Variants in UBN2 observed in about 807,000 individuals in gnomAD.
UBN2 encodes the protein ubinuclein 2.
Under a neutral mutation model 120.2 loss-of-function variants are expected in UBN2, and 35 were observed. The ratio of observed to expected loss-of-function variants is 0.29; its 90% CI spans 0.22 to 0.39. UBN2 has a LOEUF of 0.39. Ranked by LOEUF, UBN2 falls within the 10% of genes least tolerant of loss-of-function variation. The pLI is 1.00. For missense variants in UBN2, 1,693 were observed against 1,663.2 expected (o/e 1.02, Z -0.31); for synonymous variants, 661 against 648.7 (o/e 1.02, Z -0.29).
chr7:139,251,705 C>T (rs774604407), intron 2 of UBN2, among the ~76,000 whole-genome samples: 1 of 152,172 alleles, frequency 6.6e-6, no homozygotes, highest in African/African-American at 2.4e-5. Flanking sequence ...TCCCTGTTGA[C>T]GTTGACTGTA....
intron 2 of UBN2, among the ~76,000 whole-genome samples, chr7:139,237,339 C>T (rs1796191870): frequency 6.6e-6 from 1 of 152,012 alleles, no homozygotes; most frequent in Admixed American, 6.6e-5. Flanking sequence ...CTCTGGTGCC[C>T]AGGTTGGAGT....
chr7:139,303,504 C>T lies in UBN2; in HGVS notation c.*5668C>T, dbSNP rs77110946. The T allele has an allele frequency of 6.6e-6, 1 of 152,066 alleles. No homozygotes were observed. Among genetic ancestry groups the T allele is most frequent in the African/African-American group, 2.4e-5 (1 of 41,370 alleles). The allele number at this position is 152,066 out of a possible 1,614,324, so 9.4% of individuals were successfully genotyped here. Reference sequence around the variant, plus strand: ...GAACTTACCAGGCAGTTGGAATTCACGAGTGTTATTCTTGAATGACTATGT... The same window carrying T: ...GAACTTACCAGGCAGTTGGAATTCATGAGTGTTATTCTTGAATGACTATGT... On this transcript the variant is annotated 3_prime_UTR_variant, in exon 18 of 18. Coordinates refer to ENST00000473989, the MANE Select transcript of UBN2 (RefSeq NM_173569.4).
intron 3 of UBN2, among the ~76,000 whole-genome samples, chr7:139,255,735 A>G (rs1395134573): frequency 1.3e-5 from 2 of 152,164 alleles, no homozygotes; most frequent in African/African-American, 4.8e-5. Context: ...CAGTGTTGGC[A>G]TATTGTTTAA....
At chr7:139,249,621 T>C (rs188002094) in intron 2 of UBN2, among the ~76,000 whole-genome samples, 4 of 152,350 alleles carry the variant, frequency 2.6e-5, no homozygotes, top group Non-Finnish European at 4.4e-5. Context: ...ATCTTGCATC[T>C]CATGCTCTCT....
At chr7:139,263,395 G>C (rs896644526) in intron 6 of UBN2, among the ~76,000 whole-genome samples, 1 of 152,108 alleles carries the variant, frequency 6.6e-6, no homozygotes, top group South Asian at 2.1e-4. Flanking sequence ...TATGGGAACA[G>C]TATCTTGTTT....
rs77674212 is a variant in UBN2, at chr7:139,234,544, G to T, written c.469-2461G>T. Among the ~76,000 whole-genome samples, 8 of 152,302 alleles carry T rather than the reference G, an allele frequency of 5.3e-5. No homozygotes were observed. The East Asian group carries it at 1.5e-3, about 29-fold the overall frequency. On this transcript the variant is annotated intron_variant, in intron 1 of 17. Transcript: ENST00000473989. ...CCTTATTGTCTCTAGGCAGTACAGT[G>T]CTGTGATTGAGATGGTTTAGGATGA...
chr7:139,278,988 A>G (rs1336391608), intron 12 of UBN2, among the ~76,000 whole-genome samples: 1 of 152,008 alleles, frequency 6.6e-6, no homozygotes. Context: ...AATCTCATTC[A>G]CACCTTCTTG....
Position 139,293,434 on chromosome 7 carries a change from C to T in UBN2, c.3872C>T (p.Ser1291Leu), listed in dbSNP as rs1409159323. The T allele has an allele frequency of 1.9e-6, 3 of 1,614,190 alleles. No homozygotes were observed. Among genetic ancestry groups the T allele is most frequent in the Non-Finnish European group, 2.5e-6 (3 of 1,180,022 alleles). ...GTGACAACCACCTCGGGATCTACCT[C>T]AGCCGCTTTCCACCATAGCCTAACT... ...AGVTTTSGSTSAAFHHSLTQN... is the reference protein window; with the variant it reads ...AGVTTTSGSTLAAFHHSLTQN... The change falls in exon 16 of 18, where the codon TCA becomes TTA. Residue 1291 changes from serine to leucine, a missense_variant. This residue lies in a region of UBN2 where 837 missense variants were observed against 817.6 expected (regional missense o/e 1.02). Transcript: ENST00000473989.
intron 1 of UBN2, among the ~76,000 whole-genome samples, chr7:139,236,173 TA>T (rs1376361570): frequency 6.6e-6 from 1 of 152,218 alleles, no homozygotes; most frequent in Admixed American, 6.5e-5. Flanking sequence ...TTTGTTTTGT[TA>T]AATAGATGGT....
chr7:139,280,928 G>A (rs149465823), intron 13 of UBN2, among the ~76,000 whole-genome samples: 3 of 152,202 alleles, frequency 2.0e-5, no homozygotes, highest in Admixed American at 6.5e-5. Context: ...ACAGGCATGC[G>A]CCACTATGCC....
rs148139430 is a variant in UBN2, at chr7:139,263,516, G to A, written c.1395+1775G>A. 3.1e-3 allele frequency among the ~76,000 whole-genome samples: 474 copies of A among 152,264 alleles called. 6 individuals carry two copies. The highest frequency in any genetic ancestry group is 0.011 in the African/African-American group (438 of 41,540). On this transcript the variant is annotated intron_variant, in intron 6 of 17. Transcript: ENST00000473989. ...TGGTCAGGCACAGTGGCTCACACCT[G>A]TAATCCCAGCACTTTGGGAGGCCGA...
rs891763557 is a variant in UBN2 at position 139,300,843 on chromosome 7, G to A, written c.*3007G>A. 4.6e-5 allele frequency: 7 copies of A among 152,208 alleles called. No individual in the cohort carries two copies. Among genetic ancestry groups the A allele is most frequent in the Admixed American group, 6.5e-5 (1 of 15,280 alleles). 9.4% of individuals were successfully genotyped at this position (152,208 alleles called of 1,614,324 possible). A position where few individuals can be genotyped will look rare whatever the true frequency, so the allele number is the denominator to read the frequency against. ...TCGGAGATAGCTGTGCTGAGCCTCA[G>A]TTGGAGACTGGGAGCAAAGTGTCAA... On this transcript the variant is annotated 3_prime_UTR_variant, in exon 18 of 18. Transcript: ENST00000473989.
intron 2 of UBN2, among the ~76,000 whole-genome samples, chr7:139,248,998 T>C (rs1796545934): frequency 6.7e-6 from 1 of 149,200 alleles, no homozygotes; most frequent in African/African-American, 2.5e-5. Flanking sequence ...TATATGTATA[T>C]ATTTATTACA....
the UBN2 span, among the ~76,000 whole-genome samples, chr7:139,322,194 G>C: frequency 6.6e-6 from 1 of 152,066 alleles, no homozygotes; most frequent in Non-Finnish European, 1.5e-5. Context: ...GGCTGGTCTC[G>C]AACTCCTGAC....
At chr7:139,253,366 G>A (rs542437702) in intron 3 of UBN2, among the ~76,000 whole-genome samples, 1 of 152,262 alleles carries the variant, frequency 6.6e-6, no homozygotes, top group East Asian at 1.9e-4. Context: ...GGAATTTATT[G>A]GTCAAAGGGC....
intron 11 of UBN2, 138 bp from the exon 12 acceptor site, chr7:139,275,959 A>G (rs1487972124): frequency 1.5e-6 from 1 of 687,450 alleles, no homozygotes; most frequent in Non-Finnish European, 2.5e-6. Flanking sequence ...ATTATTGAGT[A>G]TACTGTACCA....
chr7:139,324,779 T>C, the UBN2 span, among the ~76,000 whole-genome samples: 1 of 151,962 alleles, frequency 6.6e-6, no homozygotes, highest in Admixed American at 6.6e-5. Context: ...GAAACCAGCC[T>C]GGCCAATATG....
chr7:139,320,377 G>A, the UBN2 span, among the ~76,000 whole-genome samples: 6 of 151,118 alleles, frequency 4.0e-5, no homozygotes, highest in Non-Finnish European at 5.9e-5. Context: ...CAGGAGAATC[G>A]CTTGAACTGG....
At chr7:139,274,378 A>G (rs1797379388) in intron 11 of UBN2, among the ~76,000 whole-genome samples, 1 of 152,196 alleles carries the variant, frequency 6.6e-6, no homozygotes, top group South Asian at 2.1e-4. Context: ...AGTTTGGGAG[A>G]GGAGCTTTAT....
Sources: gnomAD v4.1 joint callset for allele counts (sites outside exome capture counted in the v4.1 genomes callset) on GRCh38, gnomAD v4.1.1 for gene constraint, gnomAD v4.1.1 regional missense constraint, MANE v1.5 for transcripts, NCBI Gene and HGNC (gene_info 2026-07-23, HGNC 2026-07-21) for gene names.